The following RBFOX1 variants were observed in gnomAD, a reference collection of about 807,000 sequenced individuals.
RBFOX1 encodes RNA binding fox-1 homolog 1.
A neutral mutation model predicts 57.7 loss-of-function variants in RBFOX1; 8 were observed. That is an observed-to-expected ratio of 0.14 (90% CI 0.08 to 0.25). RBFOX1 has a LOEUF of 0.25. Among genes scored for constraint, RBFOX1 ranks in the 10% least tolerant of loss-of-function variants. The pLI, the probability that RBFOX1 is intolerant of heterozygous loss-of-function variation, is 1.00. For synonymous variants in RBFOX1, 326 were observed against 222.4 expected, an observed-to-expected ratio of 1.47 and a Z score of -4.15; for missense variants, 611 against 548.5, an observed-to-expected ratio of 1.11 and a Z score of -1.14.
chr16:6,887,338 AAAGT>A (rs1438355834), intron 3 of RBFOX1, among the ~76,000 whole-genome samples: 6 of 152,136 alleles, frequency 3.9e-5, no homozygotes, highest in Admixed American at 6.5e-5. Flanking sequence ...GGCATTGAGT[AAAGT>A]AAGTTGAGAA....
chr16:5,945,072 G>T (rs189084700), intron 4 of RBFOX1, among the ~76,000 whole-genome samples: 12 of 151,100 alleles, frequency 7.9e-5, no homozygotes, highest in African/African-American at 2.9e-4. Flanking sequence ...GGAGCTCTAT[G>T]TAGGTTTAAG....
At chr16:6,816,305 T>C (rs1490739106) in intron 3 of RBFOX1, among the ~76,000 whole-genome samples, 1 of 152,202 alleles carries the variant, frequency 6.6e-6, no homozygotes, top group East Asian at 1.9e-4. Context: ...TAAGACCTTG[T>C]TGCAATCAAT....
chr16:6,933,934 A>C (rs1274668354), intron 3 of RBFOX1, among the ~76,000 whole-genome samples: 1 of 152,230 alleles, frequency 6.6e-6, no homozygotes, highest in Non-Finnish European at 1.5e-5. Context: ...TTAAAAAACA[A>C]CAACATGGTA....
At chr16:5,978,404 C>T (rs2060109064) in intron 4 of RBFOX1, among the ~76,000 whole-genome samples, 2 of 152,092 alleles carry the variant, frequency 1.3e-5, no homozygotes, top group South Asian at 4.1e-4. Flanking sequence ...CAAGTTAGCA[C>T]AGAGAGTTCC....
At chr16:7,560,222 C>G (rs2089984373) in intron 5 of RBFOX1, among the ~76,000 whole-genome samples, 1 of 152,218 alleles carries the variant, frequency 6.6e-6, no homozygotes, top group Non-Finnish European at 1.5e-5. Flanking sequence ...CTGCACCTTG[C>G]TAAAGGCTGT....
At chr16:7,236,601 A>C (rs555883597) in intron 4 of RBFOX1, among the ~76,000 whole-genome samples, 1 of 152,180 alleles carries the variant, frequency 6.6e-6, no homozygotes, top group African/African-American at 2.4e-5. Flanking sequence ...GCCACCTTTT[A>C]AGGTAGCACA....
intron 4 of RBFOX1, among the ~76,000 whole-genome samples, chr16:7,362,309 C>T (rs111163862): frequency 0.14 from 13,332 of 93,376 alleles, 661 homozygotes; most frequent in African/African-American, 0.22. Context: ...CGTGTGTTTG[C>T]GTGTGTGTGT....
intron 4 of RBFOX1, among the ~76,000 whole-genome samples, chr16:7,367,266 G>T (rs1042203741): frequency 2.6e-5 from 4 of 152,092 alleles, no homozygotes; most frequent in Non-Finnish European, 5.9e-5. Flanking sequence ...TTTGAGAGTT[G>T]CTGTTTTGAG....
chr16:5,319,146 CAAACAAAA>C (rs546720451), intron 1 of RBFOX1, among the ~76,000 whole-genome samples: 17 of 150,692 alleles, frequency 1.1e-4, no homozygotes, highest in African/African-American at 1.7e-4. Context: ...AACAAACAAA[CAAACAAAA>C]AAACATAAAA....
intron 2 of RBFOX1, among the ~76,000 whole-genome samples, chr16:6,564,404 G>C (rs2097226894): frequency 6.6e-6 from 1 of 152,258 alleles, no homozygotes; most frequent in South Asian, 2.1e-4. Context: ...AGCTTGCAGT[G>C]AGCCGAGATC....
intron 3 of RBFOX1, among the ~76,000 whole-genome samples, chr16:5,621,713 C>G (rs567158516): frequency 6.6e-6 from 1 of 152,248 alleles, no homozygotes; most frequent in Admixed American, 6.5e-5. Flanking sequence ...AGGATTCTCT[C>G]CAGGCAAAAG....
intron 13 of RBFOX1, among the ~76,000 whole-genome samples, chr16:7,665,413 A>T (rs1388261778): frequency 6.6e-6 from 1 of 152,086 alleles, no homozygotes; most frequent in African/African-American, 2.4e-5. Flanking sequence ...TAGCCTTAGG[A>T]ACACTCTTTC....
intron 1 of RBFOX1, 69 bp from the exon 2 acceptor site, chr16:6,316,926 A>G: frequency 7.1e-7 from 1 of 1,409,966 alleles, no homozygotes; most frequent in Admixed American, 2.0e-5. Context: ...TACTATGACA[A>G]AAAAAGTGCG....
intron 4 of RBFOX1, among the ~76,000 whole-genome samples, chr16:7,321,131 T>G (rs62014052): frequency 8.0e-5 from 2 of 25,100 alleles, no homozygotes; most frequent in Non-Finnish European, 2.7e-4. Context: ...ATACATATAC[T>G]TATACTTATA....
At chr16:7,709,834 CTT>C (rs2083661299) in intron 15 of RBFOX1, 26 of 1,251,370 alleles carry the variant, frequency 2.1e-5, no homozygotes, top group Non-Finnish European at 2.6e-5. Flanking sequence ...CACTGAAACT[CTT>C]GAGTACAGTA....
At chr16:6,554,008 G>T (rs1196403525) in intron 2 of RBFOX1, among the ~76,000 whole-genome samples, 1 of 151,728 alleles carries the variant, frequency 6.6e-6, no homozygotes, top group South Asian at 2.1e-4. Flanking sequence ...AGACATATTA[G>T]GGATGAATAA....
intron 4 of RBFOX1, among the ~76,000 whole-genome samples, chr16:7,131,910 TAAAG>T (rs879464206): frequency 2.6e-5 from 4 of 152,060 alleles, no homozygotes; most frequent in Non-Finnish European, 5.9e-5. Context: ...CCCAGTATCT[TAAAG>T]AAGTGGTTCT....
intron 4 of RBFOX1, among the ~76,000 whole-genome samples, chr16:7,455,869 A>T (rs1416344370): frequency 6.6e-6 from 1 of 151,920 alleles, no homozygotes; most frequent in Non-Finnish European, 1.5e-5. Context: ...GAAACTTACT[A>T]TGAGCCACTG....
intron 2 of RBFOX1, among the ~76,000 whole-genome samples, chr16:6,528,822 C>G (rs115372741): frequency 0.012 from 1,827 of 152,286 alleles, 42 homozygotes; most frequent in African/African-American, 0.042. Context: ...CCACACCCCA[C>G]CTCCCATCCA....
Sources: allele counts gnomAD v4.1 joint callset (sites outside exome capture counted in the v4.1 genomes callset), GRCh38; gene constraint gnomAD v4.1.1; transcripts MANE v1.5; gene names NCBI Gene and HGNC (gene_info 2026-07-23, HGNC 2026-07-21).